The following CNGB1 variants were observed in gnomAD, a reference collection of about 807,000 sequenced individuals.
The protein encoded by CNGB1 is cyclic nucleotide-gated channel beta-1.
A neutral mutation model predicts 151.7 loss-of-function variants in CNGB1; 126 were observed. That is an observed-to-expected ratio of 0.83 (90% CI 0.72 to 0.96). CNGB1 has a LOEUF of 0.96. Among genes scored for constraint, CNGB1 ranks in the 40% least tolerant of loss-of-function variants. CNGB1 has a pLI of 0.00. For synonymous variants in CNGB1, 623 were observed against 635.1 expected (o/e 0.98, Z 0.29); for missense variants, 1,698 against 1,627.0 (o/e 1.04, Z -0.75).
At chr16:57,904,996 C>G in intron 25 of CNGB1, 121 bp from the exon 26 acceptor site, 2 of 1,296,230 alleles carry the variant, frequency 1.5e-6, no homozygotes, top group East Asian at 4.6e-5. Context: ...CCCTTTACAG[C>G]TCATCTATGC....
At chr16:57,926,100 T>A (rs911805842) in intron 17 of CNGB1, among the ~76,000 whole-genome samples, 7 of 152,202 alleles carry the variant, frequency 4.6e-5, no homozygotes, top group African/African-American at 1.7e-4. Flanking sequence ...TAGTGATTAA[T>A]CTGCAATTCC....
intron 14 of CNGB1, among the ~76,000 whole-genome samples, chr16:57,945,693 C>T (rs1473007195): frequency 2.6e-5 from 4 of 152,238 alleles, no homozygotes; most frequent in Admixed American, 6.5e-5. Flanking sequence ...CCCAGCTCTA[C>T]GCTTACTGGC....
In CNGB1 at chr16:57,901,385, A is replaced by G; in HGVS notation, c.2943T>C (p.Val981=). 6.2e-7 allele frequency: 1 copy of G among 1,614,158 alleles called. No individual in the cohort carries two copies. The highest frequency in any genetic ancestry group is 8.5e-7 in the Non-Finnish European group (1 of 1,180,018). The stretch of plus-strand genomic sequence containing the variant: ...ACACATAGTCGTTGGGCAGGTAGAC[A>G]ACAGAGCGAAGCCTCTTCAGCATGT... The part of the protein sequence containing the change: ...IFDMLKRLRS[V]VYLPNDYVCK... Residue 981 remains valine, a synonymous_variant, in exon 29 of 33, where the codon GTT becomes GTC. Transcript: ENST00000251102.
intron 32 of CNGB1, among the ~76,000 whole-genome samples, chr16:57,886,524 C>A (rs1221782960): frequency 6.6e-6 from 1 of 152,174 alleles, no homozygotes; most frequent in Non-Finnish European, 1.5e-5. Context: ...TGTCTTGGTA[C>A]CCCAAATGGC....
chr16:57,917,555 T>C, intron 20 of CNGB1, 79 bp from the exon 21 acceptor site: 2 of 1,376,656 alleles, frequency 1.5e-6, no homozygotes, highest in Non-Finnish European at 2.1e-6. Flanking sequence ...AGGGTTTTGT[T>C]CTTTCTACTC....
intron 23 of CNGB1, among the ~76,000 whole-genome samples, 194 bp downstream of exon 23, chr16:57,915,055 C>G (rs1190053680): frequency 1.3e-5 from 2 of 152,200 alleles, no homozygotes; most frequent in Non-Finnish European, 2.9e-5. Flanking sequence ...ACCTAACATG[C>G]AGCACCACAG....
At chr16:57,955,322 C>T (rs937439116) in intron 12 of CNGB1, 32 of 1,551,698 alleles carry the variant, frequency 2.1e-5, no homozygotes, top group African/African-American at 2.7e-5. Context: ...TGAGCTCTCC[C>T]AGATTCCCTT....
chr16:57,945,919 T>C (rs1234473977), intron 14 of CNGB1, among the ~76,000 whole-genome samples: 1 of 152,232 alleles, frequency 6.6e-6, no homozygotes, highest in Non-Finnish European at 1.5e-5. Context: ...TTGAGAAACC[T>C]TTTGCACAAA....
chr16:57,922,867 T>C (rs1343910045), intron 18 of CNGB1, among the ~76,000 whole-genome samples: 10 of 151,812 alleles, frequency 6.6e-5, no homozygotes, highest in Admixed American at 2.0e-4. Flanking sequence ...GGGAATCTTT[T>C]TTTTTTTTCT....
chr16:57,905,255 T>C (rs796415571), intron 25 of CNGB1, among the ~76,000 whole-genome samples: 2 of 152,334 alleles, frequency 1.3e-5, no homozygotes, highest in African/African-American at 4.8e-5. Flanking sequence ...TCATTTGCTA[T>C]CTCCTGCCAT....
chr16:57,963,338 A>T (rs1962309280), intron 4 of CNGB1, among the ~76,000 whole-genome samples: 6 of 152,212 alleles, frequency 3.9e-5, no homozygotes. Flanking sequence ...TCTGAAAAAT[A>T]GGGGATGCTG....
chr16:57,938,220 C>T (rs1050331846), intron 16 of CNGB1, among the ~76,000 whole-genome samples: 3 of 152,196 alleles, frequency 2.0e-5, no homozygotes, highest in Non-Finnish European at 4.4e-5. Context: ...CTGAACCAAG[C>T]CTGCACCTGT....
rs888090139 is a variant in CNGB1, at chr16:57,917,477, C to T, written c.1958-1G>A. Reference sequence around the variant, plus strand: ...AACAGCCATAGGACATACATCAGGTCTGTGGGGAAGGTTGACGGGGACGCT... The same window carrying T: ...AACAGCCATAGGACATACATCAGGTTTGTGGGGAAGGTTGACGGGGACGCT... On this transcript the variant is annotated splice_acceptor_variant, in intron 20 of 32. Coordinates refer to ENST00000251102, the MANE Select transcript of CNGB1 (RefSeq NM_001297.5). LOFTEE classifies it high-confidence loss of function. The T allele has an allele frequency of 3.1e-6, 5 of 1,613,940 alleles. No homozygotes were observed. Among genetic ancestry groups the T allele is most frequent in the Non-Finnish European group, 4.2e-6 (5 of 1,179,986 alleles).
chr16:57,895,527 C>T (rs1455492988), intron 31 of CNGB1, among the ~76,000 whole-genome samples: 3 of 148,332 alleles, frequency 2.0e-5, no homozygotes, highest in Non-Finnish European at 4.5e-5. Flanking sequence ...TTTATATATA[C>T]ATAATATATT....
intron 12 of CNGB1, among the ~76,000 whole-genome samples, chr16:57,951,186 G>T (rs1455952905): frequency 6.6e-6 from 1 of 152,120 alleles, no homozygotes; most frequent in African/African-American, 2.4e-5. Flanking sequence ...AACACCCTGG[G>T]CCTATAAGCC....
At chr16:57,928,464 A>C (rs1567381814) in intron 17 of CNGB1, among the ~76,000 whole-genome samples, 1 of 152,224 alleles carries the variant, frequency 6.6e-6, no homozygotes. Context: ...AAAAGGGTTC[A>C]TGGAATGAGA....
intron 10 of CNGB1, among the ~76,000 whole-genome samples, chr16:57,959,391 A>G (rs547071089): frequency 1.3e-5 from 2 of 151,990 alleles, no homozygotes; most frequent in Non-Finnish European, 1.5e-5. Flanking sequence ...AGGCGGTCAG[A>G]TTGCTTGAGG....
intron 14 of CNGB1, 91 bp downstream of exon 14, chr16:57,949,262 C>A: frequency 6.3e-7 from 1 of 1,595,424 alleles, no homozygotes; most frequent in Non-Finnish European, 8.5e-7. Context: ...CAGAAAGGAG[C>A]TCCCATGAGC....
At chr16:57,907,149 G>T (rs919089663) in intron 25 of CNGB1, among the ~76,000 whole-genome samples, 9 of 152,116 alleles carry the variant, frequency 5.9e-5, no homozygotes, top group Non-Finnish European at 1.2e-4. Context: ...TGGGCAGCTC[G>T]AGCTCCTCCC....
Sources: gnomAD v4.1 joint callset for allele counts (sites outside exome capture counted in the v4.1 genomes callset) on GRCh38, gnomAD v4.1.1 for gene constraint, MANE v1.5 for transcripts, NCBI Gene and HGNC (gene_info 2026-07-23, HGNC 2026-07-21) for gene names.